Variants in SH3PXD2A observed in about 807,000 individuals in gnomAD.
The protein encoded by SH3PXD2A is SH3 and PX domains 2A.
In SH3PXD2A, 32 loss-of-function variants were observed where a neutral mutation model predicts 115.2. The observed-to-expected ratio is 0.28, with a 90% CI of 0.21 to 0.37. SH3PXD2A has a LOEUF of 0.37. Ranked by LOEUF, SH3PXD2A falls within the 10% of genes least tolerant of loss-of-function variation. The pLI, the probability that SH3PXD2A is intolerant of heterozygous loss-of-function variation, is 1.00. For missense variants in SH3PXD2A, 1,328 were observed against 1,498.7 expected (o/e 0.89, Z 1.88); for synonymous variants, 610 against 629.1 (o/e 0.97, Z 0.45).
intron 1 of SH3PXD2A, among the ~76,000 whole-genome samples, chr10:103,835,245 T>C (rs1418522653): frequency 6.6e-6 from 1 of 152,206 alleles, no homozygotes; most frequent in Non-Finnish European, 1.5e-5. Context: ...CAGACTTGCA[T>C]CTGGGATTGC....
intron 6 of SH3PXD2A, among the ~76,000 whole-genome samples, chr10:103,682,433 C>T (rs1411753750): frequency 6.6e-6 from 1 of 152,206 alleles, no homozygotes; most frequent in Non-Finnish European, 1.5e-5. Flanking sequence ...GCTGAGGACC[C>T]AGAGCCATGC....
chr10:103,855,332 C>G lies in SH3PXD2A; in HGVS notation c.-66G>C, dbSNP rs1842931054. On this transcript the variant is annotated 5_prime_UTR_variant, in exon 1 of 15. Coordinates refer to ENST00000369774, the MANE Select transcript of SH3PXD2A (RefSeq NM_001394015.1). ...TTCTCATCCCGGCCGGGCTCCGGCT[C>G]CTTCTCCAGCTGCCGGGGTCCCGGG... 1.5e-6 allele frequency: 2 copies of G among 1,320,858 alleles called. No homozygotes were observed. The highest frequency in any genetic ancestry group is 2.1e-6 in the Non-Finnish European group (2 of 975,354). The allele number at this position is 1,320,858 out of a possible 1,614,324, so 81.8% of individuals were successfully genotyped here.
intron 13 of SH3PXD2A, 63 bp downstream of exon 13, chr10:103,611,518 C>T (rs183534511): frequency 2.4e-5 from 34 of 1,417,572 alleles, no homozygotes; most frequent in Admixed American, 1.8e-4. Context: ...GCCAATTGAT[C>T]GGGTGGCTAT....
In SH3PXD2A at chr10:103,595,887, G is replaced by A. The variant is rs2036125827; in HGVS notation, c.*5929C>T. On this transcript the variant is annotated 3_prime_UTR_variant, in exon 15 of 15. Coordinates refer to ENST00000369774, the MANE Select transcript of SH3PXD2A (RefSeq NM_001394015.1). ...GCCTGGGGACCCAGGTTTGCAGGAG[G>A]GAAGTTAACAGTGGGGCTGTTTTTC... 1 of 152,662 alleles carries A rather than the reference G, an allele frequency of 6.6e-6. No individual in the cohort carries two copies. Among genetic ancestry groups the A allele is most frequent in the Non-Finnish European group, 1.5e-5 (1 of 68,064 alleles). 9.5% of individuals were successfully genotyped at this position (152,662 alleles called of 1,614,324 possible). A position where few individuals can be genotyped will look rare whatever the true frequency, so the allele number is the denominator to read the frequency against.
At chr10:103,839,011 C>T (rs138245394) in intron 1 of SH3PXD2A, among the ~76,000 whole-genome samples, 486 of 152,260 alleles carry the variant, frequency 3.2e-3, no homozygotes, top group African/African-American at 0.011. Flanking sequence ...TACATACAGA[C>T]CTAGAAGAAC....
chr10:103,802,873 G>T (rs1216513652), intron 1 of SH3PXD2A, among the ~76,000 whole-genome samples: 1 of 152,142 alleles, frequency 6.6e-6, no homozygotes, highest in African/African-American at 2.4e-5. Flanking sequence ...TGTCCTGTAG[G>T]TCTGTAGGGG....
At chr10:103,734,243 A>G (rs2038355298) in intron 4 of SH3PXD2A, among the ~76,000 whole-genome samples, 1 of 152,198 alleles carries the variant, frequency 6.6e-6, no homozygotes, top group Non-Finnish European at 1.5e-5. Context: ...ATTATAACAC[A>G]TTATACCACA....
intron 5 of SH3PXD2A, among the ~76,000 whole-genome samples, chr10:103,710,497 A>G (rs2038035111): frequency 6.6e-6 from 1 of 152,198 alleles, no homozygotes; most frequent in Non-Finnish European, 1.5e-5. Flanking sequence ...TGCCACTTCT[A>G]TGGTCCCTAT....
intron 2 of SH3PXD2A, among the ~76,000 whole-genome samples, chr10:103,791,263 A>C (rs901544266): frequency 6.6e-6 from 1 of 152,166 alleles, no homozygotes; most frequent in Non-Finnish European, 1.5e-5. Flanking sequence ...CTACTGCACA[A>C]ATGAGGGTCT....
intron 3 of SH3PXD2A, among the ~76,000 whole-genome samples, chr10:103,742,717 G>C (rs115270135): frequency 2.0e-5 from 3 of 152,176 alleles, no homozygotes; most frequent in Non-Finnish European, 4.4e-5. Context: ...ATGGATATGA[G>C]TGCAGCCTGA....
At position 103,603,484 on chromosome 10, in the gene SH3PXD2A, G is replaced by A; in HGVS notation, c.1734C>T (p.Asp578=). The change falls in exon 15 of 15, where the codon GAC becomes GAT. Residue 578 remains aspartate (D), a synonymous_variant. Transcript: ENST00000369774. ...CAGGCCGCCTCTCCCCTGAGGCTCTGTCCTCCACGGGCTCCTCGCTCAGCT... is the reference window on the plus strand; with the variant it reads ...CAGGCCGCCTCTCCCCTGAGGCTCTATCCTCCACGGGCTCCTCGCTCAGCT... ...EPELSEEPVE[D]RASGERRPAQ... is the part of the protein sequence containing the mutation. The A allele has an allele frequency of 6.2e-7, 1 of 1,611,548 alleles. No homozygotes were observed. Among genetic ancestry groups the A allele is most frequent in the South Asian group, 1.1e-5 (1 of 90,768 alleles).
chr10:103,787,206 G>C (rs2134247231), intron 2 of SH3PXD2A, among the ~76,000 whole-genome samples: 1 of 152,334 alleles, frequency 6.6e-6, no homozygotes, highest in East Asian at 1.9e-4. Flanking sequence ...CCAGATCACA[G>C]GTGATTCTGT....
chr10:103,743,373 G>A (rs755846268), intron 3 of SH3PXD2A, among the ~76,000 whole-genome samples: 10 of 152,052 alleles, frequency 6.6e-5, no homozygotes, highest in Admixed American at 2.6e-4. Flanking sequence ...GCTGGTCCAA[G>A]GAGAAGCAGA....
intron 7 of SH3PXD2A, 134 bp downstream of exon 7, chr10:103,668,474 A>T: frequency 1.3e-6 from 1 of 779,668 alleles, no homozygotes; most frequent in Non-Finnish European, 2.2e-6. Context: ...AGCAAGTGGC[A>T]GACCCCCTGC....
chr10:103,654,679 AGTTTTGGGATTAC>A (rs1267878613), intron 8 of SH3PXD2A, among the ~76,000 whole-genome samples: 1 of 152,066 alleles, frequency 6.6e-6, no homozygotes, highest in Non-Finnish European at 1.5e-5. Context: ...AACCTCCCAA[AGTTTTGGGATTAC>A]AGGCATAAGC....
rs140092285 is a variant in SH3PXD2A, at chr10:103,698,315, C to T, written c.399-5259G>A. On this transcript the variant is annotated intron_variant, in intron 5 of 14. Transcript: ENST00000369774. ...CTGCAGGGTTGTACCCTCCACTGCCCGCCACACCCCTCACCACTCTCCCTC... is the reference window on the plus strand; with the variant it reads ...CTGCAGGGTTGTACCCTCCACTGCCTGCCACACCCCTCACCACTCTCCCTC... 4.2e-3 allele frequency among the ~76,000 whole-genome samples: 644 copies of T among 152,308 alleles called. 3 individuals carry two copies. The highest frequency in any genetic ancestry group is 0.014 in the Middle Eastern group (4 of 294).
chr10:103,710,660 G>A (rs1024018393), intron 5 of SH3PXD2A, among the ~76,000 whole-genome samples: 4 of 152,112 alleles, frequency 2.6e-5, no homozygotes, highest in African/African-American at 4.8e-5. Flanking sequence ...CAGGGAAGCC[G>A]GATGTTAAGG....
In SH3PXD2A at chr10:103,603,277, G is replaced by A. The variant is rs774450754; in HGVS notation, c.1941C>T (p.Ser647=). ...TTTTCCTGGTCAGGGACAGCGAGGA[G>A]CTGCCTGGGGAGTCGCTGTCCCCGG... ...GSSGDSDSPG[S]SSLSLTRKNS... The change falls in exon 15 of 15, where the codon AGC becomes AGT. Residue 647 remains serine, a synonymous_variant. Transcript: ENST00000369774. The A allele has an allele frequency of 1.2e-6, 2 of 1,614,028 alleles. No homozygotes were observed. Among genetic ancestry groups the A allele is most frequent in the Non-Finnish European group, 8.5e-7 (1 of 1,179,984 alleles).
chr10:103,767,187 C>G lies in SH3PXD2A; in HGVS notation c.154-18G>C. 1.2e-6 allele frequency: 2 copies of G among 1,600,878 alleles called. No homozygotes were observed. The highest frequency in any genetic ancestry group is 1.1e-5 in the South Asian group (1 of 90,578). On this transcript the variant is annotated intron_variant, in intron 2 of 14. Coordinates refer to ENST00000369774, the MANE Select transcript of SH3PXD2A (RefSeq NM_001394015.1). ...AGCTGCATCTGAGAAGCCAGACAGA[C>G]AGAGGGACAGGATTCAGAAGACCAG...
Sources: allele counts gnomAD v4.1 joint callset (sites outside exome capture counted in the v4.1 genomes callset), GRCh38; gene constraint gnomAD v4.1.1; transcripts MANE v1.5; gene names NCBI Gene and HGNC (gene_info 2026-07-23, HGNC 2026-07-21).